APBA2: variants seen among roughly 807,000 people sequenced by gnomAD.
The protein encoded by APBA2 is amyloid-beta A4 precursor protein-binding family A member 2.
In APBA2, 30 loss-of-function variants were observed where a neutral mutation model predicts 75.0. That is an observed-to-expected ratio of 0.40 (90% CI 0.30 to 0.54). The LOEUF is 0.54. Ranked by LOEUF, APBA2 falls within the 20% of genes least tolerant of loss-of-function variation. The pLI, the probability that APBA2 is intolerant of heterozygous loss-of-function variation, is 0.49. For synonymous variants in APBA2, 444 were observed against 409.6 expected, an observed-to-expected ratio of 1.08 and a Z score of -1.01; for missense variants, 801 against 1,016.1, an observed-to-expected ratio of 0.79 and a Z score of 2.88.
chr15:28,949,120 T>A (rs911356261), intron 2 of APBA2, among the ~76,000 whole-genome samples: 1 of 148,188 alleles, frequency 6.7e-6, no homozygotes, highest in South Asian at 2.2e-4. Flanking sequence ...CATGGCAGGG[T>A]GGTAAAGGAA....
At chr15:29,099,380 C>T (rs909597278) in intron 9 of APBA2, among the ~76,000 whole-genome samples, 7 of 152,178 alleles carry the variant, frequency 4.6e-5, no homozygotes, top group Admixed American at 4.6e-4. Flanking sequence ...GCTTCCAGAG[C>T]CCTCCCCGCA....
At chr15:28,999,840 A>G (rs1482037150) in intron 3 of APBA2, among the ~76,000 whole-genome samples, 3 of 152,198 alleles carry the variant, frequency 2.0e-5, no homozygotes, top group Admixed American at 1.3e-4. Context: ...ACAATCTGCC[A>G]TCTGCAAGCT....
In APBA2 at chr15:29,117,458, T is replaced by C; in HGVS notation, c.*325T>C. 4.9e-6 allele frequency: 2 copies of C among 410,412 alleles called. No individual in the cohort carries two copies. Among genetic ancestry groups the C allele is most frequent in the South Asian group, 2.3e-5 (1 of 42,654 alleles). 25.4% of individuals were successfully genotyped at this position (410,412 alleles called of 1,614,324 possible). ...GTGTGGAGTGTGTGTCTTTCCTCCC[T>C]GAAGCTGTGCGGAGCGAACTGGCGC... On this transcript the variant is annotated 3_prime_UTR_variant, in exon 15 of 15. Transcript: ENST00000683413.
At position 29,028,172 on chromosome 15, in the gene APBA2, G is replaced by A. The variant is rs953160951; in HGVS notation, c.-40-25673G>A. ...CCTCCCCCGATCCCACCCCTGACAG[G>A]CCCCAGTGTTTGTTGTTCCCCTCCC... On this transcript the variant is annotated intron_variant, in intron 3 of 14. Transcript: ENST00000683413. Among the ~76,000 whole-genome samples the A allele has an allele frequency of 3.3e-5, 5 of 151,784 alleles. No homozygotes were observed. In the East Asian group the frequency reaches 9.7e-4, roughly 30 times the overall value.
chr15:28,969,479 C>T (rs1397883684), intron 2 of APBA2, among the ~76,000 whole-genome samples: 1 of 152,128 alleles, frequency 6.6e-6, no homozygotes, highest in Admixed American at 6.5e-5. Context: ...TGCACCGGGC[C>T]TTAACCTTTC....
intron 1 of APBA2, among the ~76,000 whole-genome samples, chr15:28,888,605 G>A (rs1304721368): frequency 3.9e-5 from 6 of 152,326 alleles, no homozygotes; most frequent in Non-Finnish European, 5.9e-5. Context: ...ACTGTCCAGG[G>A]GAGGAGAGGA....
intron 8 of APBA2, among the ~76,000 whole-genome samples, chr15:29,095,564 C>T (rs2043812209): frequency 6.6e-6 from 1 of 152,248 alleles, no homozygotes; most frequent in Admixed American, 6.5e-5. Context: ...TGGGGCAAAC[C>T]CCGGGGTCCT....
chr15:28,948,549 C>A (rs944406672), intron 2 of APBA2, among the ~76,000 whole-genome samples: 1 of 152,186 alleles, frequency 6.6e-6, no homozygotes, highest in Non-Finnish European at 1.5e-5. Context: ...TTTGTCCCCG[C>A]AGCTTCACTG....
intron 3 of APBA2, among the ~76,000 whole-genome samples, chr15:29,047,272 C>T (rs952455736): frequency 3.3e-5 from 5 of 152,152 alleles, no homozygotes; most frequent in African/African-American, 1.2e-4. Flanking sequence ...GGGTCCCTTA[C>T]CCTTTGCACT....
chr15:28,968,557 G>A (rs778041581), intron 2 of APBA2, among the ~76,000 whole-genome samples: 3 of 152,078 alleles, frequency 2.0e-5, no homozygotes, highest in African/African-American at 7.2e-5. Flanking sequence ...CGTCTCTTTC[G>A]CAGGATTAGA....
chr15:28,973,119 A>T (rs989035729), intron 2 of APBA2, among the ~76,000 whole-genome samples: 2 of 152,250 alleles, frequency 1.3e-5, no homozygotes, highest in Admixed American at 1.3e-4. Flanking sequence ...TGCAAACTCC[A>T]TTGAGGTCCG....
In APBA2 at chr15:29,054,283, G is replaced by A. The variant is rs1253556247; in HGVS notation, c.399G>A (p.Glu133=). Residue 133 remains glutamate (E), a synonymous_variant, in exon 4 of 15, where the codon GAG becomes GAA. Transcript: ENST00000683413. This position sits in a 1 kb window ranked among gnomAD's most constrained non-coding sequence, Gnocchi z 6.1. ...AHSAHPVDTD[E]CQEAVEEWTD... is the part of the protein sequence containing the mutation. ...GTGCACACCCTGTGGACACTGATGA[G>A]TGCCAGGAGGCGGTGGAGGAGTGGA... 1.2e-6 allele frequency: 2 copies of A among 1,614,042 alleles called. No homozygotes were observed. Among genetic ancestry groups the A allele is most frequent in the Admixed American group, 1.7e-5 (1 of 60,014 alleles).
intron 2 of APBA2, among the ~76,000 whole-genome samples, chr15:28,952,318 C>A (rs894780243): frequency 1.3e-5 from 2 of 151,954 alleles, no homozygotes; most frequent in Non-Finnish European, 2.9e-5. Context: ...TTGCTTGAGC[C>A]CAGGAGTTCA....
chr15:29,010,408 G>A (rs370157405), intron 3 of APBA2, among the ~76,000 whole-genome samples: 3 of 152,042 alleles, frequency 2.0e-5, no homozygotes, highest in Non-Finnish European at 2.9e-5. Flanking sequence ...ACAGGCGCCC[G>A]CCACCAGCCC....
At chr15:29,096,663 C>T (rs537242932) in intron 8 of APBA2, among the ~76,000 whole-genome samples, 1 of 152,244 alleles carries the variant, frequency 6.6e-6, no homozygotes. Context: ...CTAAAATACA[C>T]ATTTATTATT....
chr15:28,923,077 C>G (rs2034063625), intron 2 of APBA2, among the ~76,000 whole-genome samples: 1 of 152,210 alleles, frequency 6.6e-6, no homozygotes, highest in Non-Finnish European at 1.5e-5. Context: ...CATCCTTGTC[C>G]CCTTTGCACC....
chr15:28,954,683 C>T (rs916095912), intron 2 of APBA2, among the ~76,000 whole-genome samples: 3 of 152,200 alleles, frequency 2.0e-5, no homozygotes, highest in Non-Finnish European at 2.9e-5. Context: ...TTGAAGACGG[C>T]GCTCACGGTC....
At chr15:28,948,481 C>T (rs954180365) in intron 2 of APBA2, among the ~76,000 whole-genome samples, 1 of 152,072 alleles carries the variant, frequency 6.6e-6, no homozygotes, top group Non-Finnish European at 1.5e-5. Context: ...CCCTGTGTAA[C>T]TTCAGAGTTT....
At chr15:29,071,298 GC>G (rs2042611493) in intron 4 of APBA2, among the ~76,000 whole-genome samples, 1 of 152,044 alleles carries the variant, frequency 6.6e-6, no homozygotes, top group Non-Finnish European at 1.5e-5. Context: ...TTATCTCTGT[GC>G]TGAACAGTTG....
Sources: gnomAD v4.1 joint callset for allele counts (sites outside exome capture counted in the v4.1 genomes callset) on GRCh38, gnomAD v4.1.1 for gene constraint, Gnocchi (gnomAD v3.1) non-coding constraint, MANE v1.5 for transcripts, NCBI Gene and HGNC (gene_info 2026-07-23, HGNC 2026-07-21) for gene names.